ZFP90: variants seen among roughly 807,000 people sequenced by gnomAD.
ZFP90 encodes the protein ZFP90 zinc finger protein, also known as zinc finger protein 90 homolog.
Under a neutral mutation model 60.8 loss-of-function variants are expected in ZFP90, and 38 were observed. That is an observed-to-expected ratio of 0.62 (90% CI 0.48 to 0.82). The LOEUF is 0.82. Among genes scored for constraint, ZFP90 ranks in the 40% least tolerant of loss-of-function variants. ZFP90 has a pLI of 0.00. For missense variants in ZFP90, 711 were observed against 759.1 expected (o/e 0.94, Z 0.74); for synonymous variants, 287 against 264.8 (o/e 1.08, Z -0.82).
At chr16:68,540,129 A>G (rs1053817337) in intron 2 of ZFP90, among the ~76,000 whole-genome samples, 10 of 152,080 alleles carry the variant, frequency 6.6e-5, no homozygotes, top group Non-Finnish European at 1.3e-4. Flanking sequence ...ACTCTTGTCA[A>G]TAAGAAATGG....
At chr16:68,556,668 A>G (rs183919937) in intron 2 of ZFP90, among the ~76,000 whole-genome samples, 34 of 152,332 alleles carry the variant, frequency 2.2e-4, no homozygotes, top group Admixed American at 1.9e-3. Context: ...TAACAAGCTA[A>G]TATCTCCGAT....
chr16:68,547,909 C>T (rs1174248819), intron 2 of ZFP90, among the ~76,000 whole-genome samples: 1 of 150,710 alleles, frequency 6.6e-6, no homozygotes, highest in Non-Finnish European at 1.5e-5. Context: ...CTCACTGCAA[C>T]CTCTGCCTCC....
chr16:68,554,952 A>T (rs1018767615), intron 2 of ZFP90: 19 of 152,276 alleles, frequency 1.2e-4, no homozygotes, highest in African/African-American at 4.1e-4. Context: ...CTCACCACTT[A>T]TCTCAAAATG....
chr16:68,549,747 G>T (rs2091224603), intron 2 of ZFP90, among the ~76,000 whole-genome samples: 1 of 150,580 alleles, frequency 6.6e-6, no homozygotes, highest in Non-Finnish European at 1.5e-5. Context: ...CTGAAATGGA[G>T]ATGGGGACCA....
At position 68,564,066 on chromosome 16, in the gene ZFP90, T is replaced by C; in HGVS notation, c.1279T>C (p.Tyr427His). The change falls in exon 5 of 5, where the codon TAC (tyrosine) becomes CAC (histidine). Residue 427 changes from tyrosine to histidine, a missense_variant. This residue lies in a region of ZFP90 where 295 missense variants were observed against 274.0 expected (regional missense o/e 1.08). Coordinates refer to ENST00000563169, the MANE Select transcript of ZFP90 (RefSeq NM_001305203.2). Reference sequence around the variant, plus strand: ...AGGCAAACCTTACCAAAGCAGTAACTACAGCATAGATTTCAAGCACAGCAC... The same window carrying C: ...AGGCAAACCTTACCAAAGCAGTAACCACAGCATAGATTTCAAGCACAGCAC... ...KRGKPYQSSN[Y>H]SIDFKHSTSL... The C allele has an allele frequency of 6.2e-7, 1 of 1,614,114 alleles. No homozygotes were observed. The highest frequency in any genetic ancestry group is 8.5e-7 in the Non-Finnish European group (1 of 1,180,010).
Position 68,544,864 on chromosome 16 carries a change from C to CTTT in ZFP90, c.33+5074_33+5076dup, listed in dbSNP as rs71148911. On this transcript the variant is annotated intron_variant, in intron 2 of 4. Coordinates refer to ENST00000563169, the MANE Select transcript of ZFP90 (RefSeq NM_001305203.2). Reference sequence around the variant, plus strand: ...GTGTGCCCATAGCACCTGTGAACACCTTTTTTTTTTTTTTTTTTTTTTTTT... The same window carrying CTTT: ...GTGTGCCCATAGCACCTGTGAACACCTTTTTTTTTTTTTTTTTTTTTTTTTTTT... 2.4e-4 allele frequency among the ~76,000 whole-genome samples: 16 copies of CTTT among 66,568 alleles called. 1 individual carries two copies. Among genetic ancestry groups the CTTT allele is most frequent in the South Asian group, 7.2e-4 (1 of 1,392 alleles). The allele number at this position is 66,568 out of a possible 152,430, so 43.7% of individuals were successfully genotyped here.
intron 4 of ZFP90, among the ~76,000 whole-genome samples, chr16:68,560,542 TTTA>T (rs1567408046): frequency 3.0e-4 from 45 of 151,840 alleles, no homozygotes; most frequent in South Asian, 2.3e-3. Context: ...CTGGATTTTA[TTTA>T]TTTATTTATT....
downstream of ZFP90, among the ~76,000 whole-genome samples, chr16:68,569,664 G>A (rs1407193939): frequency 2.0e-5 from 3 of 152,146 alleles, no homozygotes; most frequent in Admixed American, 6.5e-5. Context: ...CACTTTGGGA[G>A]GCTGGGTGGG....
At chr16:68,534,794 C>G (rs986309979), upstream of ZFP90, among the ~76,000 whole-genome samples, 1 of 151,730 alleles carries the variant, frequency 6.6e-6, no homozygotes, top group African/African-American at 2.4e-5. Flanking sequence ...GTAGTCCCAG[C>G]TACTTGAGAG....
chr16:68,560,599 A>C (rs1172612217), intron 4 of ZFP90, among the ~76,000 whole-genome samples: 4 of 151,962 alleles, frequency 2.6e-5, no homozygotes, highest in African/African-American at 9.7e-5. Context: ...TCTGTCACCC[A>C]GGTTGGAATG....
At chr16:68,534,487 C>CA (rs1249758966), upstream of ZFP90, among the ~76,000 whole-genome samples, 5 of 151,168 alleles carry the variant, frequency 3.3e-5, no homozygotes, top group South Asian at 2.1e-4. Flanking sequence ...CTCGGCCTCT[C>CA]AAAGTGCTAG....
rs368026414 is a variant in ZFP90 at position 68,563,267 on chromosome 16, T to C, written c.480T>C (p.Phe160=). 6.2e-7 allele frequency: 1 copy of C among 1,613,830 alleles called. No individual in the cohort carries two copies. The highest frequency in any genetic ancestry group is 8.5e-7 in the Non-Finnish European group (1 of 1,179,886). ...TPQENFEQNK[F]GENSRLNTNL... ...AAGAAAATTTTGAGCAAAATAAATTTGGTGAAAATTCTAGATTGAACACCA... is the reference window on the plus strand; with the variant it reads ...AAGAAAATTTTGAGCAAAATAAATTCGGTGAAAATTCTAGATTGAACACCA... Residue 160 remains phenylalanine (F), a synonymous_variant, in exon 5 of 5, where the codon TTT becomes TTC. Coordinates refer to ENST00000563169, the MANE Select transcript of ZFP90 (RefSeq NM_001305203.2).
chr16:68,542,159 A>G (rs140658030), intron 2 of ZFP90, among the ~76,000 whole-genome samples: 1 of 152,308 alleles, frequency 6.6e-6, no homozygotes, highest in East Asian at 1.9e-4. Context: ...GTGGGAGCAG[A>G]CAGTCTCCTG....
chr16:68,560,131 A>G (rs1393685154), intron 4 of ZFP90, among the ~76,000 whole-genome samples: 2 of 141,684 alleles, frequency 1.4e-5, no homozygotes, highest in African/African-American at 4.9e-5. Flanking sequence ...TTATTGAGGT[A>G]TAATTCACAT....
chr16:68,564,147 G>A lies in ZFP90; in HGVS notation c.1360G>A (p.Asp454Asn). 1 of 1,614,172 alleles carries A rather than the reference G, an allele frequency of 6.2e-7. No individual in the cohort carries two copies. The highest frequency in any genetic ancestry group is 2.2e-5 in the East Asian group (1 of 44,886). Reference sequence around the variant, plus strand: ...CGAAGTGAAATCCTACCATTGTAATGACTGTGGGGAAGACTTTAGTCACAT... The same window carrying A: ...CGAAGTGAAATCCTACCATTGTAATAACTGTGGGGAAGACTTTAGTCACAT... ...LTEVKSYHCN[D>N]CGEDFSHITD... Residue 454 changes from aspartate (D) to asparagine (N), a missense_variant, in exon 5 of 5, where the codon GAC becomes AAC. By Grantham distance (23) the Asp-to-Asn change is conservative. This residue lies in a region of ZFP90 where 295 missense variants were observed against 274.0 expected (regional missense o/e 1.08). Transcript: ENST00000563169.
At chr16:68,546,944 T>C (rs1453292579) in intron 2 of ZFP90, among the ~76,000 whole-genome samples, 3 of 152,246 alleles carry the variant, frequency 2.0e-5, no homozygotes, top group African/African-American at 7.2e-5. Flanking sequence ...ATAAAAGCCT[T>C]TCTAAGGCTA....
chr16:68,559,938 A>C (rs1440968658), intron 4 of ZFP90, among the ~76,000 whole-genome samples: 3 of 150,818 alleles, frequency 2.0e-5, no homozygotes, highest in African/African-American at 7.3e-5. Context: ...TCTCTATCAC[A>C]GCTCCCTGCA....
chr16:68,575,047 A>C (rs1446412288), intron 2 of ZFP90, among the ~76,000 whole-genome samples: 1 of 152,222 alleles, frequency 6.6e-6, no homozygotes, highest in Non-Finnish European at 1.5e-5. Flanking sequence ...CCTCAGGAAA[A>C]TGTTGAACTG....
chr16:68,572,392 G>C lies in ZFP90; in HGVS notation c.224-3399G>C, dbSNP rs567765018. Among the ~76,000 whole-genome samples the C allele has an allele frequency of 5.9e-5, 9 of 152,298 alleles. No individual in the cohort carries two copies. The South Asian group carries it at 1.9e-3, about 32-fold the overall frequency. On this transcript the variant is annotated intron_variant, in intron 2 of 2. Transcript: ENST00000573113. ...AATTCCAAAGTTAGAGTTCTCACAG[G>C]ATCTTGACAGGGACTTTTCTGTTGG...
Sources: gnomAD v4.1 joint callset for allele counts (sites outside exome capture counted in the v4.1 genomes callset) on GRCh38, gnomAD v4.1.1 for gene constraint, gnomAD v4.1.1 regional missense constraint, MANE v1.5 for transcripts, NCBI Gene and HGNC (gene_info 2026-07-23, HGNC 2026-07-21) for gene names.